INPP5D: variants seen among roughly 807,000 people sequenced by gnomAD.
INPP5D encodes the protein inositol polyphosphate-5-phosphatase D.
A neutral mutation model predicts 122.9 loss-of-function variants in INPP5D; 33 were observed. That is an observed-to-expected ratio of 0.27 (90% confidence interval 0.20 to 0.36). The LOEUF (loss-of-function observed/expected upper bound fraction) is 0.36, where lower values mean the gene tolerates loss of function less well. Ranked by LOEUF, INPP5D falls within the 10% of genes least tolerant of loss-of-function variation. The probability of loss-of-function intolerance (pLI) is 1.00; values close to 1 mark genes in which losing one functional copy is unlikely to be tolerated. For synonymous variants in INPP5D, 584 were observed against 576.2 expected (o/e 1.01, Z -0.19); for missense variants, 1,053 against 1,412.7 (o/e 0.75, Z 4.08).
chr2:233,123,000 C>T (rs1693036921), intron 3 of INPP5D, among the ~76,000 whole-genome samples: 1 of 152,230 alleles, frequency 6.6e-6, no homozygotes, highest in African/African-American at 2.4e-5. Context: ...TCCATAAATG[C>T]AGCTACGGTC....
chr2:233,185,752 T>C, intron 20 of INPP5D, 91 bp from the exon 21 acceptor site: 1 of 1,166,668 alleles, frequency 8.6e-7, no homozygotes, highest in Non-Finnish European at 1.1e-6. Context: ...AGAGCACATC[T>C]TCCTAGGTCT....
chr2:233,073,078 C>G lies in INPP5D; in HGVS notation c.135-6257C>G, dbSNP rs189043122. On this transcript the variant is annotated intron_variant, in intron 1 of 26. Coordinates refer to ENST00000445964, the MANE Select transcript of INPP5D (RefSeq NM_001017915.3). The stretch of plus-strand genomic sequence containing the variant: ...CAGTGGAACAAATCAGCCCATCCCC[C>G]CTTCACTCACCCTGCTGGTGCCTCG... 2.8e-4 allele frequency among the ~76,000 whole-genome samples: 43 copies of G among 152,324 alleles called. 1 individual carries two copies. The East Asian group carries it at 7.5e-3, about 27-fold the overall frequency.
intron 10 of INPP5D, among the ~76,000 whole-genome samples, chr2:233,161,017 C>T (rs1054892365): frequency 6.6e-6 from 1 of 152,112 alleles, no homozygotes; most frequent in Non-Finnish European, 1.5e-5. Context: ...ATATTGTGGC[C>T]ACCTGTCCTT....
chr2:233,102,003 G>A (rs578019080), intron 2 of INPP5D, among the ~76,000 whole-genome samples: 1 of 151,968 alleles, frequency 6.6e-6, no homozygotes, highest in South Asian at 2.1e-4. Flanking sequence ...TGATGACCGT[G>A]GCTCTCACTG....
intron 4 of INPP5D, among the ~76,000 whole-genome samples, chr2:233,129,115 G>A (rs1004207903): frequency 5.4e-4 from 82 of 152,130 alleles, no homozygotes; most frequent in African/African-American, 1.7e-3. Context: ...GCAGTGAGCC[G>A]AGATCTTGCC....
At chr2:233,169,762 T>G in intron 14 of INPP5D, 1 of 615,634 alleles carries the variant, frequency 1.6e-6, no homozygotes, top group South Asian at 2.1e-5. Flanking sequence ...ATCTTCACTG[T>G]TCTGATTCTC....
At chr2:233,187,330 T>C (rs1694946917) in intron 21 of INPP5D, among the ~76,000 whole-genome samples, 1 of 152,134 alleles carries the variant, frequency 6.6e-6, no homozygotes, top group South Asian at 2.1e-4. Context: ...TCTCGCACCA[T>C]GAGGGAGGGG....
chr2:233,104,726 T>C (rs903893632), intron 2 of INPP5D, among the ~76,000 whole-genome samples: 1 of 152,138 alleles, frequency 6.6e-6, no homozygotes, highest in Non-Finnish European at 1.5e-5. Flanking sequence ...GGTGAATCGT[T>C]TGGTCAGCTG....
At chr2:233,118,424 C>T (rs1369608713) in intron 2 of INPP5D, among the ~76,000 whole-genome samples, 4 of 152,188 alleles carry the variant, frequency 2.6e-5, no homozygotes, top group Non-Finnish European at 5.9e-5. Context: ...CTGTCTGGGC[C>T]GGCTCTGTAG....
chr2:233,152,806 A>G (rs1323159548), intron 9 of INPP5D, among the ~76,000 whole-genome samples: 1 of 152,214 alleles, frequency 6.6e-6, no homozygotes, highest in Non-Finnish European at 1.5e-5. Context: ...GCTGAGCCAG[A>G]GTACCAGCTC....
chr2:233,090,453 C>G (rs192640448), intron 2 of INPP5D, among the ~76,000 whole-genome samples: 2 of 152,260 alleles, frequency 1.3e-5, no homozygotes, highest in African/African-American at 4.8e-5. Context: ...CATCTCCCCC[C>G]CATATTTATG....
intron 5 of INPP5D, chr2:233,130,923 G>A: frequency 1.7e-6 from 1 of 596,130 alleles, no homozygotes; most frequent in Non-Finnish European, 3.1e-6. Flanking sequence ...GGAGGACATG[G>A]CCAGCCCTTT....
chr2:233,086,119 C>CTTTCTTTCTTTCTTTCTT (rs1491216543), intron 2 of INPP5D, among the ~76,000 whole-genome samples: 10 of 93,916 alleles, frequency 1.1e-4, no homozygotes, highest in African/African-American at 4.0e-4. Context: ...ATAAGATAGC[C>CTTTCTTTCTTTCTTTCTT]TCTTTCTTTC....
rs1691725749 is a variant in INPP5D at position 233,082,826 on chromosome 2, G to A, written c.198+3428G>A. On this transcript the variant is annotated intron_variant, in intron 2 of 26. Transcript: ENST00000445964. The surrounding 1 kb of genome is among the most constrained non-coding windows in gnomAD (Gnocchi z 4.7). ...AATATGAGTGTTGCTGAGAACTGCG[G>A]AAGTTGGAACTCACAGCCAGGCCTC... 6.6e-6 allele frequency among the ~76,000 whole-genome samples: 1 copy of A among 152,238 alleles called. No individual in the cohort carries two copies. Among genetic ancestry groups the A allele is most frequent in the East Asian group, 1.9e-4 (1 of 5,196 alleles).
Position 233,130,571 on chromosome 2 carries a change from T to C in INPP5D, c.588T>C (p.Ser196=). Residue 196 remains serine, a synonymous_variant, in exon 5 of 27, where the codon TCT becomes TCC. Coordinates refer to ENST00000445964, the MANE Select transcript of INPP5D (RefSeq NM_001017915.3). ...TAAGCACTCAGCTCGCCCAGGACTC[T>C]GAATTTGTGAAGACAGGGTCCAGCA... The part of the protein sequence containing the change: ...DYLSTQLAQD[S]EFVKTGSSSL... 6.2e-7 allele frequency: 1 copy of C among 1,614,024 alleles called. No homozygotes were observed. The highest frequency in any genetic ancestry group is 8.5e-7 in the Non-Finnish European group (1 of 1,179,894).
intron 2 of INPP5D, among the ~76,000 whole-genome samples, chr2:233,103,654 G>A (rs528041349): frequency 2.0e-5 from 3 of 152,026 alleles, no homozygotes; most frequent in African/African-American, 7.2e-5. Flanking sequence ...GCTGCCTGCC[G>A]AGGGGGTGAT....
At position 233,188,941 on chromosome 2, in the gene INPP5D, T is replaced by G. The variant is rs1694985075; in HGVS notation, c.2359-909T>G. Among the ~76,000 whole-genome samples the G allele has an allele frequency of 6.6e-6, 1 of 152,202 alleles. No individual in the cohort carries two copies. Among genetic ancestry groups the G allele is most frequent in the South Asian group, 2.1e-4 (1 of 4,826 alleles). Reference sequence around the variant, plus strand: ...CCCAGAGCCCTGTACCAGGAGCCTTTTGGTGTCTGGAAAGGAAGGGAGGGA... The same window carrying G: ...CCCAGAGCCCTGTACCAGGAGCCTTGTGGTGTCTGGAAAGGAAGGGAGGGA... On this transcript the variant is annotated intron_variant, in intron 21 of 26. Coordinates refer to ENST00000445964, the MANE Select transcript of INPP5D (RefSeq NM_001017915.3). This position sits in a 1 kb window ranked among gnomAD's most constrained non-coding sequence, Gnocchi z 4.7.
At chr2:233,161,896 G>T in intron 11 of INPP5D, 70 bp downstream of exon 11, 2 of 1,543,106 alleles carry the variant, frequency 1.3e-6, no homozygotes, top group South Asian at 1.2e-5. Flanking sequence ...GCATCCTCAA[G>T]GTGGGGTGGA....
rs2106292256 is a variant in INPP5D, at chr2:233,160,427, T to C, written c.1138-1297T>C. Among the ~76,000 whole-genome samples, 1 of 152,340 alleles carries C rather than the reference T, an allele frequency of 6.6e-6. No homozygotes were observed. The highest frequency in any genetic ancestry group is 1.9e-4 in the East Asian group (1 of 5,190). On this transcript the variant is annotated intron_variant, in intron 10 of 26. Coordinates refer to ENST00000445964, the MANE Select transcript of INPP5D (RefSeq NM_001017915.3). This position sits in a 1 kb window ranked among gnomAD's most constrained non-coding sequence, Gnocchi z 4.2. Reference sequence around the variant, plus strand: ...GTAGGCTATGAAAGCCTTCATGTCCTCTCTTCTTTTTAATTAGTTTCTTTA... The same window carrying C: ...GTAGGCTATGAAAGCCTTCATGTCCCCTCTTCTTTTTAATTAGTTTCTTTA...
Sources: gnomAD v4.1 joint callset for allele counts (sites outside exome capture counted in the v4.1 genomes callset) on GRCh38, gnomAD v4.1.1 for gene constraint, Gnocchi (gnomAD v3.1) non-coding constraint, MANE v1.5 for transcripts, NCBI Gene and HGNC (gene_info 2026-07-23, HGNC 2026-07-21) for gene names.